Variants in HEATR1 observed in about 807,000 individuals in gnomAD.
HEATR1 encodes the protein HEAT repeat-containing protein 1.
A neutral mutation model predicts 248.2 loss-of-function variants in HEATR1; 77 were observed. That is an observed-to-expected ratio of 0.31 (90% confidence interval 0.26 to 0.37). The LOEUF (loss-of-function observed/expected upper bound fraction) is 0.37. Among genes scored for constraint, HEATR1 ranks in the 10% least tolerant of loss-of-function variants. The pLI is 1.00. For missense variants in HEATR1, 2,420 were observed against 2,504.9 expected (o/e 0.97, Z 0.72); for synonymous variants, 897 against 923.1 (o/e 0.97, Z 0.51).
At chr1:236,569,871 A>G (rs116814684) in intron 28 of HEATR1, among the ~76,000 whole-genome samples, 3,792 of 152,334 alleles carry the variant, frequency 0.025, 54 homozygotes, top group Middle Eastern at 0.054. Context: ...CCCACAGTTG[A>G]AACAACCCAA....
At chr1:236,581,128 T>TC in intron 20 of HEATR1, 94 bp downstream of exon 20, 1 of 1,139,920 alleles carries the variant, frequency 8.8e-7, no homozygotes, top group Non-Finnish European at 1.3e-6. Context: ...TCTGCTATTT[T>TC]TTTTTAAGTT....
At chr1:236,600,913 CAA>C (rs1161527915) in intron 3 of HEATR1, among the ~76,000 whole-genome samples, 1 of 152,190 alleles carries the variant, frequency 6.6e-6, no homozygotes, top group Non-Finnish European at 1.5e-5. Context: ...ACTATATCCA[CAA>C]AACTCTGCTT....
chr1:236,591,968 A>C lies in HEATR1; in HGVS notation c.1422+25T>G, dbSNP rs185958417. ...CCATACAAATGTACCCCAAATTGTC[A>C]TAATTCCTTTGGAGAACAACATACC... On this transcript the variant is annotated intron_variant, in intron 11 of 44. Transcript: ENST00000366582. 3.0e-5 allele frequency: 42 copies of C among 1,400,992 alleles called. No individual in the cohort carries two copies. In the South Asian group the frequency reaches 4.9e-4, roughly 16 times the overall value. The allele number at this position is 1,400,992 out of a possible 1,614,324, so 86.8% of individuals were successfully genotyped here.
intron 6 of HEATR1, 68 bp from the exon 7 acceptor site, chr1:236,596,112 C>G (rs1664171447): frequency 1.7e-6 from 2 of 1,151,766 alleles, no homozygotes; most frequent in Admixed American, 2.0e-5. Context: ...AAATGTTAAT[C>G]TGACAAATTA....
At position 236,550,992 on chromosome 1, in the gene HEATR1, T is replaced by TA. The variant is rs55866014; in HGVS notation, c.6347-3dup. On this transcript the variant is annotated splice_polypyrimidine_tract_variant and splice_region_variant and intron_variant, in intron 44 of 44. Coordinates refer to ENST00000366582, the MANE Select transcript of HEATR1 (RefSeq NM_018072.6). ...GATGTTCTACTTCTTCACATTCATCTAAAAAAAAAAAAAAAAAATCAAAAT... is the reference window on the plus strand; with the variant it reads ...GATGTTCTACTTCTTCACATTCATCTAAAAAAAAAAAAAAAAAAATCAAAAT... 0.19 allele frequency: 238,002 copies of TA among 1,234,520 alleles called. 1,717 individuals carry two copies. The highest frequency in any genetic ancestry group is 0.23 in the African/African-American group (14,608 of 63,152). The allele number at this position is 1,234,520 out of a possible 1,614,324, so 76.5% of individuals were successfully genotyped here. A position where few individuals can be genotyped will look rare whatever the true frequency, so the allele number is the denominator to read the frequency against.
In HEATR1 at chr1:236,557,344, G is replaced by A; in HGVS notation, c.5206C>T (p.Leu1736=). The part of the protein sequence containing the change: ...EALAIPQLPS[L]MPSLLTTMKN... Reference sequence around the variant, plus strand: ...ATTGTTGTCAGCAACGATGGCATCAGGCTAGAAACAAAGTAAGAGCTTTAG... The same window carrying A: ...ATTGTTGTCAGCAACGATGGCATCAAGCTAGAAACAAAGTAAGAGCTTTAG... The change falls in exon 37 of 45, where the codon CTG becomes TTG. Residue 1736 remains leucine (L), a splice_region_variant and synonymous_variant. Transcript: ENST00000366582. 1 of 1,613,870 alleles carries A rather than the reference G, an allele frequency of 6.2e-7. No homozygotes were observed. Among genetic ancestry groups the A allele is most frequent in the Non-Finnish European group, 8.5e-7 (1 of 1,179,840 alleles).
In HEATR1 at chr1:236,580,121, G is replaced by C. The variant is rs1343309038; in HGVS notation, c.2755+1101C>G. 2.0e-5 allele frequency among the ~76,000 whole-genome samples: 3 copies of C among 152,004 alleles called. 1 individual carries two copies. The highest frequency in any genetic ancestry group is 1.5e-5 in the Non-Finnish European group (1 of 68,006). ...TCTGCCACATCCCCTCATGTCAATA[G>C]CTCTGTAAGTCAACCCACTTTTCAA... On this transcript the variant is annotated intron_variant, in intron 20 of 44. Coordinates refer to ENST00000366582, the MANE Select transcript of HEATR1 (RefSeq NM_018072.6).
At chr1:236,582,605 G>A in intron 19 of HEATR1, 131 bp downstream of exon 19, 1 of 857,636 alleles carries the variant, frequency 1.2e-6, no homozygotes, top group Non-Finnish European at 1.9e-6. Context: ...GTTTCACTAT[G>A]TTGGCCAGGC....
At chr1:236,592,239 G>A in intron 10 of HEATR1, 129 bp from the exon 11 acceptor site, 1 of 589,768 alleles carries the variant, frequency 1.7e-6, no homozygotes. Context: ...TTTAACAAAT[G>A]TTGTAGGTAA....
chr1:236,568,348 C>T (rs1318882442), intron 29 of HEATR1, among the ~76,000 whole-genome samples: 1 of 152,154 alleles, frequency 6.6e-6, no homozygotes, highest in Non-Finnish European at 1.5e-5. Flanking sequence ...CAATCTAATA[C>T]TAAGGTTAAA....
At chr1:236,569,637 G>T (rs1318259606) in intron 28 of HEATR1, among the ~76,000 whole-genome samples, 3 of 152,184 alleles carry the variant, frequency 2.0e-5, no homozygotes, top group African/African-American at 7.2e-5. Context: ...ACAGTAACAA[G>T]TACTGGCAAG....
chr1:236,592,480 AG>A, intron 10 of HEATR1, 42 bp downstream of exon 10: 1 of 784,302 alleles, frequency 1.3e-6, no homozygotes. Flanking sequence ...TTTATAGAAC[AG>A]GAAGTACTTT....
At chr1:236,571,213 G>T in intron 28 of HEATR1, 138 bp downstream of exon 28, 1 of 1,040,066 alleles carries the variant, frequency 9.6e-7, no homozygotes, top group Non-Finnish European at 1.4e-6. Context: ...CTATGAAGAG[G>T]CAGGGCTGAG....
At position 236,604,000 on chromosome 1, in the gene HEATR1, G is replaced by A. The variant is rs766427919; in HGVS notation, c.96C>T (p.Asp32=). ...TGTCGATTGTGGCCGCTTCCTTAGG[G>A]TCAAATAACAAAGAAGCAACTTCAT... The part of the protein sequence containing the change: ...SRDEVASLLF[D]PKEAATIDRD... Residue 32 remains aspartate, a synonymous_variant, in exon 2 of 45, where the codon GAC becomes GAT. Transcript: ENST00000366582. The A allele has an allele frequency of 6.9e-6, 11 of 1,599,758 alleles. No individual in the cohort carries two copies. The highest frequency in any genetic ancestry group is 3.5e-5 in the Admixed American group (2 of 56,340).
intron 20 of HEATR1, among the ~76,000 whole-genome samples, chr1:236,577,234 C>T (rs1663587295): frequency 6.6e-6 from 1 of 152,186 alleles, no homozygotes; most frequent in South Asian, 2.1e-4. Flanking sequence ...TCACTGCAAC[C>T]TCCGCCTCCT....
intron 3 of HEATR1, among the ~76,000 whole-genome samples, chr1:236,601,060 C>T (rs1209359136): frequency 6.6e-6 from 1 of 151,972 alleles, no homozygotes; most frequent in Non-Finnish European, 1.5e-5. Flanking sequence ...AAAAGTATTC[C>T]TTACATTAAT....
In HEATR1 at chr1:236,595,662, T is replaced by C; in HGVS notation, c.968A>G (p.His323Arg). Residue 323 changes from histidine to arginine, a missense_variant, in exon 8 of 45, where the codon CAC (histidine) becomes CGC (arginine). Physicochemically the swap from His to Arg is conservative, Grantham distance 29. Coordinates refer to ENST00000366582, the MANE Select transcript of HEATR1 (RefSeq NM_018072.6). ...AATAAGATCAGGAACATTACATAAG[T>C]GAGGGAATGGCCTTTGAAGAAGCAA... is the stretch of plus-strand genomic sequence containing the variant. ...PESLGKKPFP[H>R]LCNVPDLITI... 1 of 1,611,506 alleles carries C rather than the reference T, an allele frequency of 6.2e-7. No individual in the cohort carries two copies. Among genetic ancestry groups the C allele is most frequent in the Non-Finnish European group, 8.5e-7 (1 of 1,178,516 alleles).
At chr1:236,567,022 C>T (rs1663290339) in intron 29 of HEATR1, 146 bp from the exon 30 acceptor site, 5 of 620,100 alleles carry the variant, frequency 8.1e-6, no homozygotes, top group Non-Finnish European at 8.5e-6. Flanking sequence ...GGTCTTTCTC[C>T]ATGGCCCAGG....
chr1:236,568,941 T>C (rs1572038374), intron 29 of HEATR1, 55 bp downstream of exon 29: 1 of 1,267,908 alleles, frequency 7.9e-7, no homozygotes, highest in Non-Finnish European at 1.0e-6. Context: ...GTCATTTATA[T>C]GCAAAATTTT....
Sources: gnomAD v4.1 joint callset for allele counts (sites outside exome capture counted in the v4.1 genomes callset) on GRCh38, gnomAD v4.1.1 for gene constraint, MANE v1.5 for transcripts, NCBI Gene and HGNC (gene_info 2026-07-23, HGNC 2026-07-21) for gene names.